The following FAM171B variants were observed in gnomAD, a reference collection of about 807,000 sequenced individuals.
The protein encoded by FAM171B is protein FAM171B.
A neutral mutation model predicts 75.6 loss-of-function variants in FAM171B; 19 were observed. That is an observed-to-expected ratio of 0.25 (90% CI 0.18 to 0.37). FAM171B has a LOEUF of 0.37. FAM171B is among the 10% of genes least tolerant of loss of function. FAM171B has a pLI of 1.00. For synonymous variants in FAM171B, 367 were observed against 361.7 expected, an observed-to-expected ratio of 1.01 and a Z score of -0.17; for missense variants, 848 against 982.4, an observed-to-expected ratio of 0.86 and a Z score of 1.83.
intron 1 of FAM171B, among the ~76,000 whole-genome samples, chr2:186,738,115 TG>T (rs1690230984): frequency 1.3e-5 from 2 of 152,216 alleles, no homozygotes; most frequent in African/African-American, 4.8e-5. Flanking sequence ...AGCTCTTGCT[TG>T]GGGAGTCCTG....
At position 186,762,714 on chromosome 2, in the gene FAM171B, C is replaced by T. The variant is rs775670084; in HGVS notation, c.2372C>T (p.Ala791Val). 1 of 1,613,052 alleles carries T rather than the reference C, an allele frequency of 6.2e-7. No individual in the cohort carries two copies. Among genetic ancestry groups the T allele is most frequent in the Non-Finnish European group, 8.5e-7 (1 of 1,179,554 alleles). ...GRKSTVEDFE[A>V]NTSPTKRRGR... ...AAAAGCACTGTTGAAGATTTTGAAG[C>T]TAATACATCCCCCACTAAAAGAAGG... Residue 791 changes from alanine (A) to valine (V), a missense_variant, in exon 8 of 8, where the codon GCT becomes GTT. Physicochemically the swap from Ala to Val is moderately conservative, Grantham distance 64 (BLOSUM62 0). Transcript: ENST00000304698. The surrounding 1 kb of genome is among the most constrained non-coding windows in gnomAD (Gnocchi z 4.0).
chr2:186,732,300 A>G (rs1390295652), intron 1 of FAM171B, among the ~76,000 whole-genome samples: 1 of 152,112 alleles, frequency 6.6e-6, no homozygotes, highest in African/African-American at 2.4e-5. Flanking sequence ...ATAAGAATTT[A>G]AGTTCTCAAT....
At chr2:186,713,026 C>CT (rs536871502) in intron 1 of FAM171B, among the ~76,000 whole-genome samples, 337 of 152,324 alleles carry the variant, frequency 2.2e-3, no homozygotes, top group African/African-American at 7.5e-3. Context: ...CAATCAACTG[C>CT]TTTTTGGTAC....
intron 3 of FAM171B, among the ~76,000 whole-genome samples, chr2:186,745,157 CA>C (rs1690349059): frequency 6.6e-6 from 1 of 152,144 alleles, no homozygotes; most frequent in African/African-American, 2.4e-5. Context: ...CTGTGTATGG[CA>C]GAATGGTGGA....
intron 1 of FAM171B, among the ~76,000 whole-genome samples, chr2:186,730,126 A>G (rs1235825654): frequency 6.6e-6 from 1 of 151,954 alleles, no homozygotes; most frequent in East Asian, 1.9e-4. Flanking sequence ...ACACCTAGCT[A>G]ATTTTTGTAT....
intron 1 of FAM171B, among the ~76,000 whole-genome samples, chr2:186,712,682 C>T (rs529522559): frequency 6.6e-6 from 1 of 152,086 alleles, no homozygotes; most frequent in Non-Finnish European, 1.5e-5. Flanking sequence ...TGTTTCTTTC[C>T]ATTTCTGCCT....
At chr2:186,736,378 G>T (rs377055746) in intron 1 of FAM171B, among the ~76,000 whole-genome samples, 4 of 152,208 alleles carry the variant, frequency 2.6e-5, no homozygotes, top group South Asian at 4.1e-4. Flanking sequence ...ATAAAATAAA[G>T]AAAACAACAT....
At chr2:186,760,397 T>C (rs1383498055) in intron 6 of FAM171B, among the ~76,000 whole-genome samples, 1 of 152,180 alleles carries the variant, frequency 6.6e-6, no homozygotes, top group Non-Finnish European at 1.5e-5. Flanking sequence ...TTTTTGAATT[T>C]GTCTTTAAAA....
At position 186,761,135 on chromosome 2, in the gene FAM171B, C is replaced by G; in HGVS notation, c.1035C>G (p.Ser345=). ...GTRGSGINED[S]KDITAYHTVF... ...TAGGTTCAGGTATAAATGAAGATTCCAAGGACATAACTGCCTACCACACAG... is the reference window on the plus strand; with the variant it reads ...TAGGTTCAGGTATAAATGAAGATTCGAAGGACATAACTGCCTACCACACAG... Residue 345 remains serine, a synonymous_variant, in exon 7 of 8, where the codon TCC becomes TCG. Transcript: ENST00000304698. 1 of 1,609,458 alleles carries G rather than the reference C, an allele frequency of 6.2e-7. No homozygotes were observed. The highest frequency in any genetic ancestry group is 8.5e-7 in the Non-Finnish European group (1 of 1,177,948).
At chr2:186,742,035 A>G (rs1208536793) in intron 2 of FAM171B, among the ~76,000 whole-genome samples, 1 of 152,162 alleles carries the variant, frequency 6.6e-6, no homozygotes, top group East Asian at 1.9e-4. Flanking sequence ...ATGTTATTAA[A>G]TGAAAAAGGC....
At chr2:186,708,757 A>G (rs1689769079) in intron 1 of FAM171B, among the ~76,000 whole-genome samples, 1 of 152,254 alleles carries the variant, frequency 6.6e-6, no homozygotes, top group South Asian at 2.1e-4. Context: ...TGCAGCACTT[A>G]AATTACAGAT....
At chr2:186,709,054 A>G (rs1186796254) in intron 1 of FAM171B, among the ~76,000 whole-genome samples, 1 of 152,154 alleles carries the variant, frequency 6.6e-6, no homozygotes, top group Admixed American at 6.5e-5. Flanking sequence ...AGTAGAAGGC[A>G]AAGAGGGAGC....
chr2:186,738,467 A>G (rs936070231), intron 1 of FAM171B, among the ~76,000 whole-genome samples: 2 of 152,128 alleles, frequency 1.3e-5, no homozygotes, highest in African/African-American at 2.4e-5. Flanking sequence ...GAGTGCATGC[A>G]GAATAGTCCA....
At chr2:186,739,026 T>G (rs79318196) in intron 1 of FAM171B, among the ~76,000 whole-genome samples, 24,973 of 152,240 alleles carry the variant, frequency 0.16, 2,186 homozygotes, top group Middle Eastern at 0.25. Context: ...GTACAGCATA[T>G]TACTGTACTG....
intron 1 of FAM171B, among the ~76,000 whole-genome samples, chr2:186,707,275 G>A (rs1286647624): frequency 6.6e-6 from 1 of 151,466 alleles, no homozygotes; most frequent in Non-Finnish European, 1.5e-5. Context: ...TGTAGTTGAT[G>A]CTGTGCTTGC....
intron 1 of FAM171B, among the ~76,000 whole-genome samples, chr2:186,724,741 C>G (rs1690006186): frequency 6.6e-6 from 1 of 152,072 alleles, no homozygotes; most frequent in Non-Finnish European, 1.5e-5. Flanking sequence ...AAGGAATTAC[C>G]TATGCAAAGA....
intron 1 of FAM171B, among the ~76,000 whole-genome samples, chr2:186,716,061 G>A (rs1010261185): frequency 1.4e-4 from 21 of 152,016 alleles, no homozygotes; most frequent in African/African-American, 4.8e-4. Flanking sequence ...AGATAGTCTC[G>A]ATCTGTCTCT....
intron 1 of FAM171B, among the ~76,000 whole-genome samples, chr2:186,731,111 T>C (rs1690107091): frequency 6.6e-6 from 1 of 152,240 alleles, no homozygotes; most frequent in Non-Finnish European, 1.5e-5. Context: ...TACTCAACAT[T>C]ATCCTTAATT....
Position 186,707,844 on chromosome 2 carries a change from A to ATT in FAM171B, c.238+13433_238+13434insTT, listed in dbSNP as rs1559081568. Among the ~76,000 whole-genome samples, 870 of 111,784 alleles carry ATT rather than the reference A, an allele frequency of 7.8e-3. 4 individuals carry two copies. The highest frequency in any genetic ancestry group is 0.019 in the Middle Eastern group (4 of 208). 73.3% of individuals were successfully genotyped at this position (111,784 alleles called of 152,430 possible). A position where few individuals can be genotyped will look rare whatever the true frequency, so the allele number is the denominator to read the frequency against. On this transcript the variant is annotated intron_variant, in intron 1 of 7. Transcript: ENST00000304698. ...CTTAAATACCACTTTTTTTTTTTAA[A>ATT]AAAAAAAAAAGGTTTTTCATTGACT...
Sources: allele counts gnomAD v4.1 joint callset (sites outside exome capture counted in the v4.1 genomes callset), GRCh38; gene constraint gnomAD v4.1.1; non-coding constraint Gnocchi (gnomAD v3.1); transcripts MANE v1.5; gene names NCBI Gene and HGNC (gene_info 2026-07-23, HGNC 2026-07-21).